LIMCH1: variants seen among roughly 807,000 people sequenced by gnomAD.
LIMCH1 encodes the protein LIM and calponin homology domains-containing protein 1.
In LIMCH1, 113 loss-of-function variants were observed where a neutral mutation model predicts 176.5. The ratio of observed to expected loss-of-function variants is 0.64; its 90% confidence interval spans 0.55 to 0.75. The LOEUF (loss-of-function observed/expected upper bound fraction) is 0.75, where lower values mean the gene tolerates loss of function less well. Among genes scored for constraint, LIMCH1 ranks in the 30% least tolerant of loss-of-function variants. The pLI, the probability that LIMCH1 is intolerant of heterozygous loss-of-function variation, is 0.00. For missense variants in LIMCH1, 1,674 were observed against 1,814.9 expected (o/e 0.92, Z 1.41); for synonymous variants, 619 against 645.9 (o/e 0.96, Z 0.63).
chr4:41,359,796 A>T (rs1039404566), upstream of LIMCH1: 4 of 151,886 alleles, frequency 2.6e-5, no homozygotes, highest in African/African-American at 9.7e-5. Flanking sequence ...TGGAACCGCG[A>T]CTCACAGGTC....
intron 30 of LIMCH1, 188 bp downstream of exon 30, chr4:41,689,823 A>G: frequency 4.3e-6 from 2 of 466,254 alleles, no homozygotes; most frequent in South Asian, 6.8e-5. Flanking sequence ...TCAGATTAGA[A>G]GAAGCAGAAA....
chr4:41,479,808 A>T (rs1001492438), intron 1 of LIMCH1, among the ~76,000 whole-genome samples: 10 of 152,168 alleles, frequency 6.6e-5, no homozygotes, highest in African/African-American at 2.4e-4. Flanking sequence ...TTGGATTTGC[A>T]TAACTGTTTC....
At chr4:41,661,083 G>C (rs546043257) in intron 18 of LIMCH1, among the ~76,000 whole-genome samples, 53 of 144,066 alleles carry the variant, frequency 3.7e-4, no homozygotes, top group African/African-American at 1.4e-3. Flanking sequence ...CTTCACTGGT[G>C]TTATGACCCT....
intron 6 of LIMCH1, chr4:41,619,733 C>G (rs1306066306): frequency 4.6e-6 from 2 of 435,820 alleles, no homozygotes; most frequent in Non-Finnish European, 8.3e-6. Context: ...AATCTGTCAT[C>G]CTTGTCCTTC....
At chr4:41,523,644 G>A (rs753514188) in intron 2 of LIMCH1, among the ~76,000 whole-genome samples, 12 of 152,138 alleles carry the variant, frequency 7.9e-5, no homozygotes, top group African/African-American at 1.4e-4. Flanking sequence ...CAATTACCCC[G>A]ATGCTAACCA....
At chr4:41,631,855 TAGAG>T (rs796688923) in intron 10 of LIMCH1, among the ~76,000 whole-genome samples, 5 of 152,286 alleles carry the variant, frequency 3.3e-5, no homozygotes, top group African/African-American at 1.2e-4. Flanking sequence ...TCCTGTCCCT[TAGAG>T]AGAGAAAGAA....
intron 31 of LIMCH1, among the ~76,000 whole-genome samples, chr4:41,696,301 T>C (rs1730591217): frequency 6.6e-6 from 1 of 152,190 alleles, no homozygotes; most frequent in South Asian, 2.1e-4. Context: ...GACTGTGTCT[T>C]TGTACATGGT....
At chr4:41,626,450 G>T (rs1371657066) in intron 7 of LIMCH1, among the ~76,000 whole-genome samples, 2 of 152,046 alleles carry the variant, frequency 1.3e-5, no homozygotes, top group African/African-American at 2.4e-5. Context: ...AGCCATTTAG[G>T]ATCCTGCTTT....
intron 4 of LIMCH1, among the ~76,000 whole-genome samples, chr4:41,607,977 T>A (rs2090950054): frequency 6.6e-6 from 1 of 152,194 alleles, no homozygotes; most frequent in African/African-American, 2.4e-5. Context: ...TCAGTTAGGA[T>A]CGGGTTCAGC....
chr4:41,379,074 A>G, intron 1 of LIMCH1, among the ~76,000 whole-genome samples: 1 of 152,250 alleles, frequency 6.6e-6, no homozygotes, highest in Non-Finnish European at 1.5e-5. Flanking sequence ...AAAACACAGT[A>G]GCTTAAACCA....
At chr4:41,502,615 G>A (rs1303569783) in intron 2 of LIMCH1, among the ~76,000 whole-genome samples, 1 of 152,132 alleles carries the variant, frequency 6.6e-6, no homozygotes, top group African/African-American at 2.4e-5. Context: ...GGCGTGAGAC[G>A]ATATCTCATT....
chr4:41,590,131 T>A (rs1314625985), intron 1 of LIMCH1, among the ~76,000 whole-genome samples: 7 of 152,124 alleles, frequency 4.6e-5, no homozygotes, highest in African/African-American at 1.7e-4. Flanking sequence ...GTCTCGCTCT[T>A]GCCCAGGCTG....
chr4:41,601,012 T>C (rs1247558258), intron 2 of LIMCH1, among the ~76,000 whole-genome samples: 1 of 152,180 alleles, frequency 6.6e-6, no homozygotes, highest in South Asian at 2.1e-4. Flanking sequence ...CTTTTGTATT[T>C]CTTCTCCTCA....
At chr4:41,645,937 T>C (rs2094033806) in intron 15 of LIMCH1, among the ~76,000 whole-genome samples, 186 bp from the exon 16 acceptor site, 3 of 152,272 alleles carry the variant, frequency 2.0e-5, no homozygotes, top group African/African-American at 7.2e-5. Flanking sequence ...ATCTGGATGT[T>C]TCTGCCTTTG....
At chr4:41,602,600 C>T (rs1473023957) in intron 2 of LIMCH1, among the ~76,000 whole-genome samples, 1 of 151,884 alleles carries the variant, frequency 6.6e-6, no homozygotes, top group Non-Finnish European at 1.5e-5. Context: ...GGGCAGATCA[C>T]GAGGTCAGGA....
At chr4:41,428,057 G>A (rs1353685911) in intron 1 of LIMCH1, among the ~76,000 whole-genome samples, 1 of 152,114 alleles carries the variant, frequency 6.6e-6, no homozygotes, top group Non-Finnish European at 1.5e-5. Context: ...AGTTTTCCTT[G>A]GGTGGTCTTA....
At chr4:41,523,421 A>G (rs113429300) in intron 2 of LIMCH1, among the ~76,000 whole-genome samples, 1 of 152,202 alleles carries the variant, frequency 6.6e-6, no homozygotes, top group African/African-American at 2.4e-5. Context: ...TTTATTTATA[A>G]GTACAGGTGT....
intron 1 of LIMCH1, among the ~76,000 whole-genome samples, chr4:41,557,546 C>CTGTGTG (rs34757433): frequency 0.021 from 3,107 of 147,798 alleles, 82 homozygotes; most frequent in African/African-American, 0.064. Flanking sequence ...TTTATTGCCT[C>CTGTGTG]TGTGTGTGTG....
chr4:41,360,894 GC>G lies in LIMCH1; in HGVS notation c.60del (p.Glu21SerfsTer14), dbSNP rs761404496. 10 of 1,587,448 alleles carry G rather than the reference GC, an allele frequency of 6.3e-6. No homozygotes were observed. Among genetic ancestry groups the G allele is most frequent in the East Asian group, 2.3e-5 (1 of 43,240 alleles). ...CTCTTCAGCCCCTGCAGCCCGAGCC[GC>G]CCCCCGAGCCCGCCTTCTCCGAGGC... On this transcript the variant is annotated frameshift_variant, in exon 1 of 27. Transcript: ENST00000313860. LOFTEE classifies it high-confidence loss of function. This position sits in a 1 kb window ranked among gnomAD's most constrained non-coding sequence, Gnocchi z 4.5.
Sources: gnomAD v4.1 joint callset for allele counts (sites outside exome capture counted in the v4.1 genomes callset) on GRCh38, gnomAD v4.1.1 for gene constraint, Gnocchi (gnomAD v3.1) non-coding constraint, MANE v1.5 for transcripts, NCBI Gene and HGNC (gene_info 2026-07-23, HGNC 2026-07-21) for gene names.